Variants in NRXN1 observed in about 807,000 individuals in gnomAD.
NRXN1 encodes neurexin-1.
NRXN1 carries 39 observed loss-of-function variants against 150.9 expected under a neutral mutation model. The observed-to-expected ratio is 0.26, with a 90% CI of 0.20 to 0.34. The LOEUF (loss-of-function observed/expected upper bound fraction) is 0.34. NRXN1 is among the 10% of genes least tolerant of loss of function. The pLI is 1.00. For missense variants in NRXN1, 1,815 were observed against 1,949.9 expected, an observed-to-expected ratio of 0.93 and a Z score of 1.30; for synonymous variants, 924 against 757.0, an observed-to-expected ratio of 1.22 and a Z score of -3.62.
At chr2:50,541,135 C>G (rs181403978) in intron 9 of NRXN1, among the ~76,000 whole-genome samples, 30 of 152,222 alleles carry the variant, frequency 2.0e-4, no homozygotes, top group Non-Finnish European at 4.1e-4. Context: ...GGAACAATGA[C>G]AAATTATTCC....
intron 17 of NRXN1, among the ~76,000 whole-genome samples, chr2:50,410,303 A>C (rs745943623): frequency 2.0e-5 from 3 of 152,188 alleles, no homozygotes; most frequent in African/African-American, 4.8e-5. Context: ...CTGCTATCAG[A>C]CCTGTGATGC....
intron 12 of NRXN1, among the ~76,000 whole-genome samples, chr2:50,524,782 C>T (rs1225122342): frequency 6.6e-6 from 1 of 151,760 alleles, no homozygotes; most frequent in African/African-American, 2.4e-5. Context: ...ATAGGTCTAA[C>T]GATTTTTAAG....
chr2:50,749,167 T>A (rs1001053578), intron 5 of NRXN1, among the ~76,000 whole-genome samples: 57 of 152,148 alleles, frequency 3.7e-4, no homozygotes, highest in Admixed American at 4.6e-4. Context: ...TACATTAATA[T>A]ACATCAGATT....
At chr2:50,667,172 T>C (rs971719432) in intron 5 of NRXN1, among the ~76,000 whole-genome samples, 8 of 118,568 alleles carry the variant, frequency 6.7e-5, no homozygotes, top group Non-Finnish European at 1.4e-4. Flanking sequence ...ACACAATTTC[T>C]TTCATTTTTA....
intron 21 of NRXN1, chr2:49,969,847 A>C (rs897668300): frequency 6.6e-6 from 1 of 152,124 alleles, no homozygotes; most frequent in Non-Finnish European, 1.5e-5. Context: ...CACTGTATCC[A>C]TGACTTTACT....
At chr2:50,560,938 T>C (rs1668982383) in intron 8 of NRXN1, among the ~76,000 whole-genome samples, 1 of 152,102 alleles carries the variant, frequency 6.6e-6, no homozygotes, top group South Asian at 2.1e-4. Context: ...ATATAATTTA[T>C]CCACAAAGGC....
intron 12 of NRXN1, among the ~76,000 whole-genome samples, chr2:50,520,162 C>T (rs138153455): frequency 1.1e-3 from 166 of 151,908 alleles, no homozygotes; most frequent in African/African-American, 3.9e-3. Context: ...AATTGAAATC[C>T]TAGGCTACTT....
intron 5 of NRXN1, among the ~76,000 whole-genome samples, chr2:50,819,517 G>C (rs1044097514): frequency 6.6e-6 from 1 of 151,982 alleles, no homozygotes; most frequent in East Asian, 1.9e-4. Context: ...GCTGACAGGG[G>C]ATAATAGGGC....
intron 2 of NRXN1, among the ~76,000 whole-genome samples, chr2:50,950,117 G>C (rs1051450294): frequency 2.6e-5 from 4 of 152,110 alleles, no homozygotes; most frequent in Non-Finnish European, 2.9e-5. Flanking sequence ...TGCTCTCAAA[G>C]CTTTTCCACT....
chr2:49,924,921 A>G (rs1441272874), intron 22 of NRXN1, among the ~76,000 whole-genome samples: 2 of 152,210 alleles, frequency 1.3e-5, no homozygotes, highest in African/African-American at 4.8e-5. Context: ...CTGATTAATT[A>G]ATATTCTTTT....
chr2:49,928,460 T>TCTAATAGCC (rs1490370249), intron 22 of NRXN1, among the ~76,000 whole-genome samples: 11 of 152,152 alleles, frequency 7.2e-5, no homozygotes, highest in Non-Finnish European at 1.3e-4. Context: ...GATGTGGAAG[T>TCTAATAGCC]TATTATAATT....
intron 21 of NRXN1, among the ~76,000 whole-genome samples, chr2:50,051,353 C>G (rs1470172538): frequency 6.6e-6 from 1 of 151,954 alleles, no homozygotes; most frequent in Non-Finnish European, 1.5e-5. Flanking sequence ...GATTTGGCAA[C>G]TGTAATCTCA....
intron 17 of NRXN1, among the ~76,000 whole-genome samples, chr2:50,246,139 G>C (rs1178177114): frequency 6.6e-6 from 1 of 151,978 alleles, no homozygotes; most frequent in Non-Finnish European, 1.5e-5. Flanking sequence ...ATCTTTAAAA[G>C]GTGTGAGGTA....
chr2:50,056,354 G>A (rs1029184750), intron 19 of NRXN1, among the ~76,000 whole-genome samples: 1 of 151,984 alleles, frequency 6.6e-6, no homozygotes, highest in African/African-American at 2.4e-5. Context: ...AGATAGAAAA[G>A]AACTATCTTT....
rs78033701 is a variant in NRXN1, at chr2:50,909,354, G to C, written c.832+12515C>G. ...CATCACCCATTACTTAACTAGCAGA[G>C]GAGTTTGTTTGAATAGGCATTTGGA... On this transcript the variant is annotated intron_variant, in intron 5 of 22. Transcript: ENST00000401669. Among the ~76,000 whole-genome samples the C allele has an allele frequency of 1.7e-3, 265 of 152,158 alleles. 3 individuals carry two copies. The East Asian group carries it at 0.048, about 28-fold the overall frequency.
chr2:50,587,498 C>T (rs1037605822), intron 8 of NRXN1, among the ~76,000 whole-genome samples: 1 of 152,068 alleles, frequency 6.6e-6, no homozygotes, highest in Non-Finnish European at 1.5e-5. Context: ...AAAAGAATCC[C>T]TGTTTTCCCT....
At chr2:50,493,505 A>T (rs2091382454) in intron 15 of NRXN1, among the ~76,000 whole-genome samples, 1 of 152,176 alleles carries the variant, frequency 6.6e-6, no homozygotes, top group Non-Finnish European at 1.5e-5. Flanking sequence ...TTTGCATTGC[A>T]GAAACCCTGT....
intron 2 of NRXN1, among the ~76,000 whole-genome samples, chr2:51,011,169 T>C (rs558531792): frequency 3.5e-4 from 53 of 152,036 alleles, no homozygotes; most frequent in Non-Finnish European, 6.5e-4. Context: ...CAAGCTTCTT[T>C]TTATACATTT....
intron 5 of NRXN1, among the ~76,000 whole-genome samples, chr2:50,788,146 G>C (rs1251562111): frequency 1.3e-5 from 2 of 151,374 alleles, no homozygotes; most frequent in East Asian, 3.9e-4. Context: ...GAGTGTAGTG[G>C]CGCGATCTTG....
Sources: allele counts gnomAD v4.1 joint callset (sites outside exome capture counted in the v4.1 genomes callset), GRCh38; gene constraint gnomAD v4.1.1; transcripts MANE v1.5; gene names NCBI Gene and HGNC (gene_info 2026-07-23, HGNC 2026-07-21).